The following NAALADL2 variants were observed in gnomAD, a reference collection of about 807,000 sequenced individuals.
NAALADL2 encodes inactive N-acetylated-alpha-linked acidic dipeptidase-like protein 2.
Under a neutral mutation model 87.2 loss-of-function variants are expected in NAALADL2, and 76 were observed. The ratio of observed to expected loss-of-function variants is 0.87; its 90% confidence interval spans 0.72 to 1.05. NAALADL2 has a LOEUF of 1.05. Ranked by LOEUF, NAALADL2 falls within the 50% of genes least tolerant of loss-of-function variation. The pLI is 0.00. For synonymous variants in NAALADL2, 354 were observed against 331.0 expected (o/e 1.07, Z -0.75); for missense variants, 1,089 against 945.8 (o/e 1.15, Z -1.99).
At chr3:175,021,471 G>A (rs892098646) in intron 1 of NAALADL2, among the ~76,000 whole-genome samples, 4 of 151,974 alleles carry the variant, frequency 2.6e-5, no homozygotes, top group African/African-American at 9.7e-5. Flanking sequence ...AGGTATTAAG[G>A]GGCAACACAC....
intron 2 of NAALADL2, among the ~76,000 whole-genome samples, chr3:175,141,628 C>A (rs1177272425): frequency 1.3e-5 from 2 of 151,966 alleles, no homozygotes; most frequent in Non-Finnish European, 2.9e-5. Context: ...AGCAAAGCTG[C>A]CATAGTGTTT....
chr3:174,604,929 G>A (rs10936807), intron 2 of NAALADL2, among the ~76,000 whole-genome samples: 53,269 of 151,242 alleles, frequency 0.35, 10,685 homozygotes, highest in Non-Finnish European at 0.47. Flanking sequence ...CCACCACCCC[G>A]GCTGATTTTG....
At chr3:175,671,102 T>A (rs192841524) in intron 11 of NAALADL2, among the ~76,000 whole-genome samples, 4 of 151,886 alleles carry the variant, frequency 2.6e-5, no homozygotes, top group South Asian at 2.1e-4. Flanking sequence ...ATTTTACTTT[T>A]GCTTTAAATA....
intron 1 of NAALADL2, among the ~76,000 whole-genome samples, chr3:174,867,715 C>G (rs1005006458): frequency 6.6e-6 from 1 of 151,810 alleles, no homozygotes; most frequent in Non-Finnish European, 1.5e-5. Flanking sequence ...ATGATCAGTA[C>G]AAAACAAAAT....
chr3:174,596,451 G>C (rs1471533527), intron 2 of NAALADL2, among the ~76,000 whole-genome samples: 1 of 152,098 alleles, frequency 6.6e-6, no homozygotes, highest in East Asian at 1.9e-4. Context: ...CTATTTCAGT[G>C]GTTCTCAAAT....
chr3:174,445,955 A>G (rs1436114289), intron 1 of NAALADL2, among the ~76,000 whole-genome samples: 1 of 152,200 alleles, frequency 6.6e-6, no homozygotes, highest in Non-Finnish European at 1.5e-5. Context: ...AAAAGCAAAC[A>G]GTATTCCTGA....
intron 1 of NAALADL2, among the ~76,000 whole-genome samples, chr3:175,019,030 T>C (rs753414334): frequency 3.9e-5 from 6 of 152,098 alleles, no homozygotes; most frequent in Non-Finnish European, 7.4e-5. Flanking sequence ...CATACTTGAA[T>C]TATTATACCA....
chr3:175,447,872 C>A (rs554937314), intron 6 of NAALADL2, among the ~76,000 whole-genome samples: 1 of 152,206 alleles, frequency 6.6e-6, no homozygotes, highest in African/African-American at 2.4e-5. Context: ...CTTGTTGGAC[C>A]ACGTAGGATG....
At chr3:174,544,433 GTCCTAGAA>G (rs1722538787) in intron 1 of NAALADL2, among the ~76,000 whole-genome samples, 1 of 151,596 alleles carries the variant, frequency 6.6e-6, no homozygotes, top group South Asian at 2.1e-4. Flanking sequence ...CATTAAAAAA[GTCCTAGAA>G]TTCTTTCCTT....
intron 1 of NAALADL2, among the ~76,000 whole-genome samples, chr3:175,093,724 G>A (rs1385331080): frequency 6.6e-6 from 1 of 151,656 alleles, no homozygotes; most frequent in Non-Finnish European, 1.5e-5. Flanking sequence ...TACACCAAGT[G>A]ACTTCATCTA....
At chr3:174,442,444 G>A (rs1714732887) in intron 1 of NAALADL2, among the ~76,000 whole-genome samples, 1 of 151,994 alleles carries the variant, frequency 6.6e-6, no homozygotes, top group Non-Finnish European at 1.5e-5. Flanking sequence ...TATGGGAAAT[G>A]TAAAAGTAAC....
chr3:175,377,173 C>T (rs1357212044), intron 5 of NAALADL2, among the ~76,000 whole-genome samples: 2 of 151,884 alleles, frequency 1.3e-5, no homozygotes, highest in East Asian at 1.9e-4. Flanking sequence ...ATTAGTTGGG[C>T]CGGTGGTGCA....
intron 2 of NAALADL2, among the ~76,000 whole-genome samples, chr3:175,199,807 AG>A (rs1228410984): frequency 4.4e-4 from 42 of 94,438 alleles, no homozygotes; most frequent in Admixed American, 1.4e-3. Flanking sequence ...TTCTTTGTGT[AG>A]GGGGGAAAGA....
chr3:175,349,361 A>G (rs369751927), intron 5 of NAALADL2, among the ~76,000 whole-genome samples: 42 of 152,282 alleles, frequency 2.8e-4, no homozygotes, highest in African/African-American at 9.4e-4. Context: ...TACCAAGGCC[A>G]GGTGGCAGGA....
intron 1 of NAALADL2, among the ~76,000 whole-genome samples, chr3:174,960,348 C>G (rs1241276597): frequency 6.6e-6 from 1 of 152,016 alleles, no homozygotes; most frequent in Non-Finnish European, 1.5e-5. Context: ...TCTGGAAACA[C>G]TTTCTAGAAT....
intron 5 of NAALADL2, among the ~76,000 whole-genome samples, chr3:175,359,319 A>G (rs534290800): frequency 2.6e-5 from 4 of 152,242 alleles, no homozygotes; most frequent in African/African-American, 9.6e-5. Context: ...AAGGACAAAT[A>G]CCACTTGAAT....
At chr3:175,087,737 C>T (rs941306803) in intron 1 of NAALADL2, among the ~76,000 whole-genome samples, 1 of 151,890 alleles carries the variant, frequency 6.6e-6, no homozygotes, top group Non-Finnish European at 1.5e-5. Context: ...ATCACCACTC[C>T]CTAATCTCAA....
intron 5 of NAALADL2, among the ~76,000 whole-genome samples, chr3:175,382,526 G>A (rs1767902759): frequency 1.7e-5 from 1 of 57,652 alleles, no homozygotes; most frequent in South Asian, 5.5e-4. Flanking sequence ...CAATACAAAT[G>A]ACCCATGGTT....
At chr3:174,921,964 T>C (rs935696184) in intron 1 of NAALADL2, among the ~76,000 whole-genome samples, 1 of 152,102 alleles carries the variant, frequency 6.6e-6, no homozygotes, top group African/African-American at 2.4e-5. Context: ...ACCTGTTCTT[T>C]TGTTTTGTCA....
Sources: gnomAD v4.1 joint callset for allele counts (sites outside exome capture counted in the v4.1 genomes callset) on GRCh38, gnomAD v4.1.1 for gene constraint, MANE v1.5 for transcripts, NCBI Gene and HGNC (gene_info 2026-07-23, HGNC 2026-07-21) for gene names.